Variants in ZNF804B observed in about 807,000 individuals in gnomAD.
The protein encoded by ZNF804B is zinc finger 804B.
Under a neutral mutation model 101.4 loss-of-function variants are expected in ZNF804B, and 80 were observed. That is an observed-to-expected ratio of 0.79 (90% CI 0.66 to 0.95). The LOEUF (loss-of-function observed/expected upper bound fraction) is 0.95, where lower values mean the gene tolerates loss of function less well. Ranked by LOEUF, ZNF804B falls within the 40% of genes least tolerant of loss-of-function variation. ZNF804B has a pLI of 0.00. For missense variants in ZNF804B, 1,673 were observed against 1,561.9 expected, an observed-to-expected ratio of 1.07 and a Z score of -1.20; for synonymous variants, 622 against 558.8, an observed-to-expected ratio of 1.11 and a Z score of -1.59.
chr7:89,302,474 C>T (rs1790490798), intron 2 of ZNF804B, among the ~76,000 whole-genome samples: 1 of 151,648 alleles, frequency 6.6e-6, no homozygotes, highest in African/African-American at 2.4e-5. Flanking sequence ...TGGCCATGTT[C>T]AGATCTAATG....
chr7:88,762,535 T>G (rs1413197943), intron 1 of ZNF804B, among the ~76,000 whole-genome samples: 1 of 152,208 alleles, frequency 6.6e-6, no homozygotes, highest in Non-Finnish European at 1.5e-5. Context: ...AATATGAAAC[T>G]GTAAACTGTG....
intron 1 of ZNF804B, among the ~76,000 whole-genome samples, chr7:89,038,573 C>T (rs1025702489): frequency 6.6e-6 from 1 of 152,026 alleles, no homozygotes; most frequent in African/African-American, 2.4e-5. Flanking sequence ...AACTCCTTAT[C>T]AGATATATGG....
intron 1 of ZNF804B, among the ~76,000 whole-genome samples, chr7:88,787,406 T>C (rs1162469071): frequency 6.6e-6 from 1 of 152,184 alleles, no homozygotes; most frequent in African/African-American, 2.4e-5. Flanking sequence ...TAAGTGTTTA[T>C]GCACACTTCT....
chr7:89,105,879 T>G (rs141844532), intron 1 of ZNF804B, among the ~76,000 whole-genome samples: 329 of 152,216 alleles, frequency 2.2e-3, no homozygotes, highest in African/African-American at 7.5e-3. Flanking sequence ...TCAATTAATT[T>G]GATGTAGTGG....
rs1791022780 is a variant in ZNF804B at position 89,333,697 on chromosome 7, A to G, written c.715A>G (p.Ser239Gly). Residue 239 changes from serine (S) to glycine (G), a missense_variant, in exon 4 of 4, where the codon AGT becomes GGT. Ser to Gly is a moderately conservative substitution (Grantham distance 56). Coordinates refer to ENST00000333190, the MANE Select transcript of ZNF804B (RefSeq NM_181646.5). Reference sequence around the variant, plus strand: ...ATTAGAATCTTCAGCATCAGTTTTCAGTGAGAACACAGAAGAAACCCATGA... The same window carrying G: ...ATTAGAATCTTCAGCATCAGTTTTCGGTGAGAACACAGAAGAAACCCATGA... ...LKLESSASVF[S>G]ENTEETHDCN... 6.2e-7 allele frequency: 1 copy of G among 1,613,554 alleles called. No individual in the cohort carries two copies. The highest frequency in any genetic ancestry group is 8.5e-7 in the Non-Finnish European group (1 of 1,179,724).
chr7:88,790,188 A>C (rs1790357197), intron 1 of ZNF804B, among the ~76,000 whole-genome samples: 1 of 152,096 alleles, frequency 6.6e-6, no homozygotes, highest in African/African-American at 2.4e-5. Flanking sequence ...TCACACTGTT[A>C]AATATTCATT....
intron 1 of ZNF804B, among the ~76,000 whole-genome samples, chr7:88,828,990 T>G (rs762252642): frequency 1.3e-5 from 2 of 152,172 alleles, no homozygotes; most frequent in Non-Finnish European, 2.9e-5. Context: ...TGAACTGTTA[T>G]GTGGAAGAGA....
At chr7:89,058,177 A>G (rs577014889) in intron 1 of ZNF804B, among the ~76,000 whole-genome samples, 4 of 152,246 alleles carry the variant, frequency 2.6e-5, no homozygotes, top group Admixed American at 6.5e-5. Context: ...TTATTAGGAA[A>G]GCAACCTTTA....
intron 1 of ZNF804B, among the ~76,000 whole-genome samples, chr7:89,046,522 C>T (rs1278277480): frequency 6.6e-6 from 1 of 152,126 alleles, no homozygotes; most frequent in African/African-American, 2.4e-5. Flanking sequence ...GGCCTCTCTT[C>T]TCTCATTGTC....
At chr7:88,934,129 A>C (rs995956536) in intron 1 of ZNF804B, among the ~76,000 whole-genome samples, 1 of 151,968 alleles carries the variant, frequency 6.6e-6, no homozygotes, top group Non-Finnish European at 1.5e-5. Flanking sequence ...GAGCCAACTG[A>C]TCTTCAACAA....
intron 1 of ZNF804B, among the ~76,000 whole-genome samples, chr7:88,875,680 C>G (rs1382070921): frequency 2.0e-5 from 3 of 151,916 alleles, no homozygotes; most frequent in African/African-American, 7.3e-5. Context: ...AGCTTACCAA[C>G]CAAAAAGAGT....
At chr7:88,926,953 G>C (rs1304787551) in intron 1 of ZNF804B, among the ~76,000 whole-genome samples, 3 of 146,616 alleles carry the variant, frequency 2.0e-5, no homozygotes, top group Non-Finnish European at 4.5e-5. Flanking sequence ...CGGGGGGAAA[G>C]CTGTTCTGTA....
intron 1 of ZNF804B, among the ~76,000 whole-genome samples, chr7:89,205,770 A>T (rs1788705772): frequency 6.6e-6 from 1 of 152,102 alleles, no homozygotes; most frequent in African/African-American, 2.4e-5. Context: ...CTGTTGGTGG[A>T]TCTACTATTC....
chr7:88,885,300 T>A (rs1211548950), intron 1 of ZNF804B, among the ~76,000 whole-genome samples: 1 of 151,766 alleles, frequency 6.6e-6, no homozygotes, highest in African/African-American at 2.4e-5. Context: ...TGGTTTAGAG[T>A]CCAAATCTCT....
intron 1 of ZNF804B, among the ~76,000 whole-genome samples, chr7:88,977,563 T>C (rs959369516): frequency 1.3e-5 from 2 of 151,636 alleles, no homozygotes; most frequent in African/African-American, 4.8e-5. Flanking sequence ...TAATGAGCCT[T>C]TGAATTTTTG....
At chr7:89,056,966 A>G (rs925210153) in intron 1 of ZNF804B, among the ~76,000 whole-genome samples, 11 of 152,086 alleles carry the variant, frequency 7.2e-5, no homozygotes, top group African/African-American at 1.4e-4. Context: ...AAGTGTGAAG[A>G]TCGTTGATTG....
intron 1 of ZNF804B, among the ~76,000 whole-genome samples, chr7:88,824,249 T>C (rs983083068): frequency 6.6e-6 from 1 of 152,148 alleles, no homozygotes; most frequent in African/African-American, 2.4e-5. Flanking sequence ...ATCCCACATG[T>C]TGTGGAAGGG....
intron 1 of ZNF804B, among the ~76,000 whole-genome samples, chr7:88,847,846 T>C (rs1791398213): frequency 6.6e-6 from 1 of 152,154 alleles, no homozygotes; most frequent in African/African-American, 2.4e-5. Flanking sequence ...GTAGTTGCTT[T>C]GGTTCTTAGT....
intron 1 of ZNF804B, among the ~76,000 whole-genome samples, chr7:88,940,729 C>T (rs914420744): frequency 1.3e-5 from 2 of 150,198 alleles, no homozygotes; most frequent in African/African-American, 4.9e-5. Context: ...GATCATGCAA[C>T]TGCATGCCAG....
Sources: allele counts gnomAD v4.1 joint callset (sites outside exome capture counted in the v4.1 genomes callset), GRCh38; gene constraint gnomAD v4.1.1; transcripts MANE v1.5; gene names NCBI Gene and HGNC (gene_info 2026-07-23, HGNC 2026-07-21).